Variants in DPY19L2 observed in about 807,000 individuals in gnomAD.
DPY19L2 encodes the protein probable C-mannosyltransferase DPY19L2.
Under a neutral mutation model 97.9 loss-of-function variants are expected in DPY19L2, and 34 were observed. The observed-to-expected ratio is 0.35, with a 90% CI of 0.26 to 0.46. The LOEUF (loss-of-function observed/expected upper bound fraction) is 0.46. Ranked by LOEUF, DPY19L2 falls within the 20% of genes least tolerant of loss-of-function variation. The pLI is 1.00. For synonymous variants in DPY19L2, 230 were observed against 307.9 expected, an observed-to-expected ratio of 0.75 and a Z score of 2.65; for missense variants, 623 against 911.4, an observed-to-expected ratio of 0.68 and a Z score of 4.07.
intron 21 of DPY19L2, among the ~76,000 whole-genome samples, chr12:63,566,192 G>A (rs1009357318): frequency 2.0e-5 from 3 of 151,862 alleles, no homozygotes; most frequent in Non-Finnish European, 4.4e-5. Context: ...TTACTGATAT[G>A]GTTTGATATA....
intron 6 of DPY19L2, among the ~76,000 whole-genome samples, chr12:63,628,446 T>C (rs1889968758): frequency 1.3e-5 from 2 of 152,138 alleles, no homozygotes; most frequent in Non-Finnish European, 2.9e-5. Context: ...GAGGGTCCTA[T>C]GCCCACGGAG....
At chr12:63,605,834 A>C (rs1369851211) in intron 12 of DPY19L2, among the ~76,000 whole-genome samples, 1 of 152,214 alleles carries the variant, frequency 6.6e-6, no homozygotes, top group African/African-American at 2.4e-5. Context: ...CTATCCCAGC[A>C]TCATTTAGTG....
At chr12:63,570,322 AC>A (rs1401148140) in intron 20 of DPY19L2, among the ~76,000 whole-genome samples, 1 of 152,180 alleles carries the variant, frequency 6.6e-6, no homozygotes, top group African/African-American at 2.4e-5. Context: ...TCTACCTGTC[AC>A]AAAAAGCTAG....
At chr12:63,583,677 T>C (rs964770812) in intron 17 of DPY19L2, 135 bp downstream of exon 17, 19 of 701,318 alleles carry the variant, frequency 2.7e-5, no homozygotes, top group Non-Finnish European at 4.6e-5. Flanking sequence ...GTGAGAAGGA[T>C]CAGCAGAAAT....
rs1160174959 is a variant in DPY19L2 at position 63,665,903 on chromosome 12, T to C, written c.338-44A>G. The C allele has an allele frequency of 5.4e-6, 8 of 1,494,418 alleles. No homozygotes were observed. In the Middle Eastern group the frequency reaches 7.1e-4, roughly 133 times the overall value. The allele number at this position is 1,494,418 out of a possible 1,614,324, so 92.6% of individuals were successfully genotyped here. On this transcript the variant is annotated intron_variant, in intron 1 of 21. Transcript: ENST00000324472. The stretch of plus-strand genomic sequence containing the variant: ...GGAAAGTCATTAATAGCTGCTTTAT[T>C]ATAAAATACCATTAAAACAAGTATT...
chr12:63,625,437 A>T (rs11175076), intron 7 of DPY19L2, among the ~76,000 whole-genome samples: 45,090 of 151,718 alleles, frequency 0.3, 7,661 homozygotes, highest in African/African-American at 0.48. Context: ...GTAACCTGTG[A>T]CATAACATAT....
rs1435056214 is a variant in DPY19L2, at chr12:63,644,513, A to C, written c.710-17T>G. The C allele has an allele frequency of 6.2e-6, 10 of 1,600,790 alleles. No homozygotes were observed. Among genetic ancestry groups the C allele is most frequent in the African/African-American group, 2.7e-5 (2 of 74,194 alleles). On this transcript the variant is annotated splice_polypyrimidine_tract_variant and intron_variant, in intron 5 of 21. Transcript: ENST00000324472. ...CTCCCAATCCTTTGAAAAGATACAG[A>C]TAATCAGTGTTTAATGAATATATGA...
chr12:63,596,073 C>T (rs1413187579), intron 14 of DPY19L2, 36 bp from the exon 15 acceptor site: 2 of 1,551,374 alleles, frequency 1.3e-6, no homozygotes, highest in East Asian at 2.4e-5. Context: ...TGGTTACTTA[C>T]AATTTTTACA....
At chr12:63,648,366 G>T (rs188413719) in intron 4 of DPY19L2, among the ~76,000 whole-genome samples, 2,104 of 151,022 alleles carry the variant, frequency 0.014, 25 homozygotes, top group Non-Finnish European at 0.021. Context: ...TAAAAAAAAT[G>T]TGGCTCTACC....
chr12:63,639,017 T>C (rs1333160543), intron 6 of DPY19L2, among the ~76,000 whole-genome samples: 5 of 152,090 alleles, frequency 3.3e-5, no homozygotes, highest in South Asian at 4.2e-4. Context: ...TATAGATCAA[T>C]GGAACAGAAC....
At chr12:63,630,911 A>G (rs1049949203) in intron 6 of DPY19L2, among the ~76,000 whole-genome samples, 8 of 152,192 alleles carry the variant, frequency 5.3e-5, no homozygotes, top group Admixed American at 4.6e-4. Context: ...GGATTAATAA[A>G]CTCACTCAAA....
chr12:63,610,649 G>A (rs529458764), intron 11 of DPY19L2, among the ~76,000 whole-genome samples: 8 of 150,004 alleles, frequency 5.3e-5, no homozygotes, highest in South Asian at 2.1e-4. Context: ...GGAAAACCTC[G>A]AACCAGATGG....
chr12:63,638,017 A>G (rs1892044326), intron 6 of DPY19L2, among the ~76,000 whole-genome samples: 1 of 152,192 alleles, frequency 6.6e-6, no homozygotes, highest in South Asian at 2.1e-4. Context: ...ACCATGATCA[A>G]GTGGCCTTCA....
chr12:63,568,955 A>C (rs888637549), intron 21 of DPY19L2, among the ~76,000 whole-genome samples: 2 of 152,000 alleles, frequency 1.3e-5, no homozygotes, highest in Non-Finnish European at 2.9e-5. Context: ...ATTTTCATAA[A>C]TATTTCAAAA....
intron 9 of DPY19L2, among the ~76,000 whole-genome samples, chr12:63,619,445 G>C (rs1888332501): frequency 6.6e-6 from 1 of 151,200 alleles, no homozygotes; most frequent in South Asian, 2.1e-4. Context: ...ATATACATTA[G>C]TAAAGAAAAA....
chr12:63,603,387 T>A (rs1885503009), intron 12 of DPY19L2, among the ~76,000 whole-genome samples: 1 of 152,198 alleles, frequency 6.6e-6, no homozygotes, highest in Admixed American at 6.5e-5. Context: ...TTTTAAGTTC[T>A]GGGGTACATG....
chr12:63,576,368 T>C (rs765467717), intron 19 of DPY19L2, among the ~76,000 whole-genome samples: 3 of 151,932 alleles, frequency 2.0e-5, no homozygotes, highest in Admixed American at 1.3e-4. Flanking sequence ...AAAGCCTTTC[T>C]TCTAAGACCT....
intron 6 of DPY19L2, among the ~76,000 whole-genome samples, chr12:63,635,285 C>T (rs1290463474): frequency 2.6e-5 from 4 of 152,112 alleles, no homozygotes; most frequent in Non-Finnish European, 5.9e-5. Flanking sequence ...ATCTATACGT[C>T]ACCATCATCA....
chr12:63,663,284 T>A (rs752212011), intron 3 of DPY19L2, among the ~76,000 whole-genome samples: 6 of 151,762 alleles, frequency 4.0e-5, no homozygotes, highest in Admixed American at 6.6e-5. Flanking sequence ...AGCACAAAAC[T>A]CCATTTTAAA....
Sources: allele counts gnomAD v4.1 joint callset (sites outside exome capture counted in the v4.1 genomes callset), GRCh38; gene constraint gnomAD v4.1.1; transcripts MANE v1.5; gene names NCBI Gene and HGNC (gene_info 2026-07-23, HGNC 2026-07-21).